The following TRPM3 variants were observed in gnomAD, a reference collection of about 807,000 sequenced individuals.
TRPM3 encodes the protein transient receptor potential cation channel subfamily M member 3, also known as long transient receptor potential channel 3.
TRPM3 carries 77 observed loss-of-function variants against 181.2 expected under a neutral mutation model. The observed-to-expected ratio is 0.42, with a 90% CI of 0.35 to 0.51. The LOEUF (loss-of-function observed/expected upper bound fraction) is 0.51. TRPM3 is among the 20% of genes least tolerant of loss of function. TRPM3 has a pLI of 0.01. For missense variants in TRPM3, 1,759 were observed against 2,196.7 expected, an observed-to-expected ratio of 0.80 and a Z score of 3.98; for synonymous variants, 745 against 796.4, an observed-to-expected ratio of 0.94 and a Z score of 1.09.
chr9:71,104,615 A>G lies in TRPM3; in HGVS notation c.177+16563T>C, dbSNP rs75834363. On this transcript the variant is annotated intron_variant, in intron 1 of 25. Transcript: ENST00000677713. ...AGATTAAACAACGTATAAATCATGCATCTTAGTCTCCAACCACAATAGTAA... is the reference window on the plus strand; with the variant it reads ...AGATTAAACAACGTATAAATCATGCGTCTTAGTCTCCAACCACAATAGTAA... Among the ~76,000 whole-genome samples the G allele has an allele frequency of 6.3e-3, 961 of 152,306 alleles. 7 individuals are homozygous for G. Among genetic ancestry groups the G allele is most frequent in the Non-Finnish European group, 8.1e-3 (552 of 68,012 alleles).
intron 1 of TRPM3, among the ~76,000 whole-genome samples, chr9:70,953,442 G>T (rs1256893368): frequency 2.0e-5 from 3 of 152,124 alleles, no homozygotes; most frequent in Non-Finnish European, 4.4e-5. Context: ...GTAAGGACAT[G>T]ACATCATTTT....
intron 1 of TRPM3, among the ~76,000 whole-genome samples, chr9:70,883,763 AG>A (rs1416976798): frequency 6.6e-6 from 1 of 152,234 alleles, no homozygotes; most frequent in East Asian, 1.9e-4. Flanking sequence ...GCTGACATCG[AG>A]GGGCGATGAG....
At chr9:71,325,265 G>A (rs1037966381) in intron 1 of TRPM3, among the ~76,000 whole-genome samples, 1 of 151,990 alleles carries the variant, frequency 6.6e-6, no homozygotes, top group Non-Finnish European at 1.5e-5. Context: ...TAGTGAAATC[G>A]GACAAATATC....
upstream of TRPM3, chr9:71,121,642 T>C: frequency 8.6e-7 from 1 of 1,158,986 alleles, no homozygotes; most frequent in South Asian, 3.6e-5. Context: ...TCTCCCGCTC[T>C]CCTCCCAGTA....
At chr9:70,792,793 G>A (rs996848095) in intron 6 of TRPM3, among the ~76,000 whole-genome samples, 4 of 152,062 alleles carry the variant, frequency 2.6e-5, no homozygotes, top group African/African-American at 7.2e-5. Context: ...AGTTTTTTGC[G>A]TAAAGGCTAC....
At position 71,121,098 on chromosome 9, in the gene TRPM3, G is replaced by A; in HGVS notation, c.177+80C>T. 4.2e-6 allele frequency: 6 copies of A among 1,440,338 alleles called. No individual in the cohort carries two copies. The South Asian group carries it at 6.4e-5, about 15-fold the overall frequency. The allele number at this position is 1,440,338 out of a possible 1,614,324, so 89.2% of individuals were successfully genotyped here. A position where few individuals can be genotyped will look rare whatever the true frequency, so the allele number is the denominator to read the frequency against. On this transcript the variant is annotated intron_variant, in intron 1 of 25. Coordinates refer to ENST00000677713, the MANE Select transcript of TRPM3 (RefSeq NM_001366145.2). Reference sequence around the variant, plus strand: ...TGCATTTAGGCTCCCCCAAAGGTGCGTCCCAGCCCAAGTCCCCAAGTTGGG... The same window carrying A: ...TGCATTTAGGCTCCCCCAAAGGTGCATCCCAGCCCAAGTCCCCAAGTTGGG...
intron 1 of TRPM3, among the ~76,000 whole-genome samples, chr9:71,337,877 A>G (rs1465020442): frequency 6.6e-6 from 1 of 152,160 alleles, no homozygotes; most frequent in East Asian, 1.9e-4. Context: ...GTGGGAGTTG[A>G]ACAATGAGAA....
At chr9:71,275,486 C>T (rs1174518812) in intron 1 of TRPM3, among the ~76,000 whole-genome samples, 1 of 151,988 alleles carries the variant, frequency 6.6e-6, no homozygotes, top group Non-Finnish European at 1.5e-5. Flanking sequence ...AAAATTCCAA[C>T]CCCGTGTGTG....
intron 1 of TRPM3, among the ~76,000 whole-genome samples, chr9:71,273,158 C>T (rs1193135894): frequency 3.3e-5 from 5 of 152,028 alleles, no homozygotes; most frequent in Non-Finnish European, 5.9e-5. Context: ...TTTATGAGCC[C>T]AGCCTATTAA....
intron 1 of TRPM3, among the ~76,000 whole-genome samples, chr9:71,426,373 CTAACT>C (rs997366660): frequency 6.6e-6 from 1 of 151,300 alleles, no homozygotes; most frequent in Non-Finnish European, 1.5e-5. Context: ...TACATATTAC[CTAACT>C]TGTTTTTCTC....
At chr9:70,801,722 T>A (rs933545755) in intron 6 of TRPM3, among the ~76,000 whole-genome samples, 51 of 151,960 alleles carry the variant, frequency 3.4e-4, no homozygotes, top group African/African-American at 1.2e-3. Flanking sequence ...AAACAGCTAC[T>A]TGCTTCTTTC....
chr9:70,943,659 A>G (rs555810126), intron 1 of TRPM3, among the ~76,000 whole-genome samples: 1 of 152,332 alleles, frequency 6.6e-6, no homozygotes, highest in South Asian at 2.1e-4. Flanking sequence ...ATGAAACTCA[A>G]AATCCTTCCC....
At chr9:71,339,868 G>A (rs1049574765) in intron 1 of TRPM3, among the ~76,000 whole-genome samples, 1 of 151,980 alleles carries the variant, frequency 6.6e-6, no homozygotes, top group Non-Finnish European at 1.5e-5. Flanking sequence ...CACAACAGAC[G>A]TTTTTGGTAT....
chr9:71,090,007 T>A lies in TRPM3; in HGVS notation c.177+31171A>T, dbSNP rs79960510. Among the ~76,000 whole-genome samples the A allele has an allele frequency of 5.0e-3, 756 of 152,286 alleles. 19 individuals carry two copies. In the East Asian group the frequency reaches 0.078, roughly 16 times the overall value. ...ATAATGTTTTAAGAAAGTTTACGAA[T>A]TTGCATTCGGCCACATTCAAAGCCA... On this transcript the variant is annotated intron_variant, in intron 1 of 25. Coordinates refer to ENST00000677713, the MANE Select transcript of TRPM3 (RefSeq NM_001366145.2).
At chr9:71,220,932 T>C (rs1281909454) in intron 1 of TRPM3, among the ~76,000 whole-genome samples, 1 of 152,066 alleles carries the variant, frequency 6.6e-6, no homozygotes, top group Non-Finnish European at 1.5e-5. Flanking sequence ...AAATCAGTTG[T>C]TTTCATGACT....
intron 1 of TRPM3, among the ~76,000 whole-genome samples, chr9:70,993,802 A>G (rs865898002): frequency 1.1e-4 from 12 of 105,056 alleles, no homozygotes; most frequent in African/African-American, 3.2e-4. Context: ...AAAAAAAAAA[A>G]AAAGAAAGAA....
intron 1 of TRPM3, among the ~76,000 whole-genome samples, chr9:71,131,678 C>T (rs1172843115): frequency 2.6e-5 from 4 of 152,072 alleles, no homozygotes; most frequent in Non-Finnish European, 5.9e-5. Context: ...TTTGCTTCCC[C>T]AAATCTCAAC....
intron 1 of TRPM3, among the ~76,000 whole-genome samples, chr9:71,106,659 G>A (rs28640110): frequency 0.084 from 12,773 of 152,136 alleles, 1,161 homozygotes; most frequent in African/African-American, 0.23. Flanking sequence ...GACTAACACT[G>A]CTCACTATTC....
At chr9:71,286,969 A>AATTATATTATATAATATAATTATATT (rs2085334046) in intron 1 of TRPM3, among the ~76,000 whole-genome samples, 2 of 124,942 alleles carry the variant, frequency 1.6e-5, no homozygotes, top group African/African-American at 3.3e-5. Context: ...AATTATATAT[A>AATTATATTATATAATATAATTATATT]ATATAATTAT....
Sources: gnomAD v4.1 joint callset for allele counts (sites outside exome capture counted in the v4.1 genomes callset) on GRCh38, gnomAD v4.1.1 for gene constraint, MANE v1.5 for transcripts, NCBI Gene and HGNC (gene_info 2026-07-23, HGNC 2026-07-21) for gene names.